Variants in SLC26A8 observed in about 807,000 individuals in gnomAD.
SLC26A8 encodes the protein testis anion transporter 1.
SLC26A8 carries 70 observed loss-of-function variants against 105.0 expected under a neutral mutation model. That is an observed-to-expected ratio of 0.67 (90% confidence interval 0.55 to 0.81). The LOEUF is 0.81. Among genes scored for constraint, SLC26A8 ranks in the 40% least tolerant of loss-of-function variants. The probability of loss-of-function intolerance (pLI) is 0.00; values close to 1 mark genes in which losing one functional copy is unlikely to be tolerated. For synonymous variants in SLC26A8, 415 were observed against 438.3 expected (o/e 0.95, Z 0.66); for missense variants, 998 against 1,181.8 (o/e 0.84, Z 2.28).
Position 35,951,205 on chromosome 6 carries a change from T to C in SLC26A8, c.2430A>G (p.Glu810=), listed in dbSNP as rs1322705070. ...VIGSSELSID[E]SETVIRETYS... ...AGGTTTCCCGTATCACTGTCTCGGA[T>C]TCATCGATGCTTAACTCAGAGGAGC... Residue 810 remains glutamate, a synonymous_variant, in exon 19 of 20, where the codon GAA becomes GAG. Coordinates refer to ENST00000490799, the MANE Select transcript of SLC26A8 (RefSeq NM_052961.4). The C allele has an allele frequency of 3.1e-6, 5 of 1,613,816 alleles. No homozygotes were observed. Among genetic ancestry groups the C allele is most frequent in the Non-Finnish European group, 4.2e-6 (5 of 1,179,982 alleles).
chr6:36,005,085 T>C (rs1286553473), intron 3 of SLC26A8, among the ~76,000 whole-genome samples: 1 of 152,142 alleles, frequency 6.6e-6, no homozygotes, highest in Non-Finnish European at 1.5e-5. Flanking sequence ...AGAATTAAGT[T>C]ATCTAGTCTC....
chr6:35,976,114 G>C (rs943027309), intron 9 of SLC26A8, among the ~76,000 whole-genome samples: 3 of 151,772 alleles, frequency 2.0e-5, no homozygotes, highest in Non-Finnish European at 4.4e-5. Context: ...TATTCTCCCT[G>C]CCTTATGTGC....
chr6:35,982,232 G>A (rs1259087592), intron 7 of SLC26A8, 29 bp from the exon 8 acceptor site: 14 of 1,604,710 alleles, frequency 8.7e-6, no homozygotes, highest in African/African-American at 1.3e-5. Flanking sequence ...GAAGGGATGG[G>A]GGCATATGAA....
At chr6:35,955,013 C>A (rs2127294073) in intron 17 of SLC26A8, 139 bp downstream of exon 17, 2 of 912,996 alleles carry the variant, frequency 2.2e-6, no homozygotes, top group East Asian at 4.8e-5. Flanking sequence ...ATTGTACTGC[C>A]TTTGGTGTCC....
At chr6:35,956,278 C>G (rs1001521942) in intron 16 of SLC26A8, among the ~76,000 whole-genome samples, 5 of 150,962 alleles carry the variant, frequency 3.3e-5, no homozygotes, top group Admixed American at 1.3e-4. Context: ...CCCCTGCCCC[C>G]TCCCCAAAAA....
chr6:35,984,191 C>G (rs1365020062), intron 7 of SLC26A8, among the ~76,000 whole-genome samples: 1 of 152,076 alleles, frequency 6.6e-6, no homozygotes, highest in African/African-American at 2.4e-5. Context: ...TTATTGTAAG[C>G]CTTCACCTAT....
intron 5 of SLC26A8, 101 bp from the exon 6 acceptor site, chr6:35,992,775 A>G (rs2127349664): frequency 8.2e-7 from 1 of 1,212,258 alleles, no homozygotes; most frequent in Non-Finnish European, 1.1e-6. Context: ...TAGAAAAGTT[A>G]AGATAGGCCC....
Position 35,955,161 on chromosome 6 carries a change from T to C in SLC26A8, c.2223A>G (p.Val741=). ...CCTCCTCAGTACTTACCTGTCTTAA[T>C]ACGACTAACCCCCGTGAATCCACGT... The part of the protein sequence containing the change: ...VHYVDSRGLV[V]LRQICNAFQN... The change falls in exon 17 of 20, where the codon GTA becomes GTG. Residue 741 remains valine, a synonymous_variant. Transcript: ENST00000490799. 2 of 1,614,118 alleles carry C rather than the reference T, an allele frequency of 1.2e-6. No individual in the cohort carries two copies. Among genetic ancestry groups the C allele is most frequent in the Middle Eastern group, 1.6e-4 (1 of 6,062 alleles).
At chr6:35,977,586 G>A (rs1203621057) in intron 8 of SLC26A8, among the ~76,000 whole-genome samples, 1 of 152,120 alleles carries the variant, frequency 6.6e-6, no homozygotes, top group African/African-American at 2.4e-5. Context: ...TTTCTGCCAG[G>A]TAGCAATGGC....
intron 2 of SLC26A8, among the ~76,000 whole-genome samples, chr6:36,016,380 A>G (rs1224113555): frequency 6.6e-6 from 1 of 152,238 alleles, no homozygotes; most frequent in Non-Finnish European, 1.5e-5. Context: ...GTGAACTTAT[A>G]TCTTTATTTC....
intron 11 of SLC26A8, among the ~76,000 whole-genome samples, chr6:35,964,976 A>AG (rs1246843658): frequency 6.6e-6 from 1 of 151,870 alleles, no homozygotes; most frequent in Non-Finnish European, 1.5e-5. Context: ...CAAAAAAAAA[A>AG]AAAAGAAAAT....
At chr6:35,957,988 C>T (rs1350311386) in intron 16 of SLC26A8, among the ~76,000 whole-genome samples, 3 of 152,030 alleles carry the variant, frequency 2.0e-5, no homozygotes, top group Non-Finnish European at 4.4e-5. Context: ...TCTGCCTGAC[C>T]TTACTTCCCA....
chr6:36,010,842 T>C (rs992170553), intron 3 of SLC26A8, among the ~76,000 whole-genome samples: 3 of 152,086 alleles, frequency 2.0e-5, no homozygotes, highest in Non-Finnish European at 4.4e-5. Flanking sequence ...CCCAGCCAAG[T>C]GGGTTAAAAT....
intron 19 of SLC26A8, among the ~76,000 whole-genome samples, chr6:35,950,799 A>G (rs897266087): frequency 3.3e-5 from 5 of 152,124 alleles, no homozygotes; most frequent in Non-Finnish European, 7.4e-5. Flanking sequence ...AGGTATAGCT[A>G]GGGGAGACAT....
At chr6:35,964,473 C>T (rs566353795) in intron 11 of SLC26A8, among the ~76,000 whole-genome samples, 1 of 151,990 alleles carries the variant, frequency 6.6e-6, no homozygotes, top group Non-Finnish European at 1.5e-5. Context: ...GTGGCAAAAA[C>T]CTGTCTCTAC....
In SLC26A8 at chr6:36,024,556, C is replaced by G. The variant is rs1390424239; in HGVS notation, c.-55G>C. On this transcript the variant is annotated 5_prime_UTR_variant, in exon 1 of 20. Transcript: ENST00000490799. ...GGGCGCTGGGATCCCACACGGCTCT[C>G]GCCTGGCTGGCGGCGCTGCGGACGC... The G allele has an allele frequency of 7.7e-6, 3 of 388,302 alleles. No individual in the cohort carries two copies. Among genetic ancestry groups the G allele is most frequent in the African/African-American group, 6.4e-5 (3 of 47,194 alleles). The allele number at this position is 388,302 out of a possible 1,614,324, so 24.1% of individuals were successfully genotyped here.
intron 3 of SLC26A8, among the ~76,000 whole-genome samples, chr6:36,009,754 G>A (rs1157718998): frequency 1.3e-5 from 2 of 152,186 alleles, no homozygotes; most frequent in Non-Finnish European, 2.9e-5. Context: ...TCTTTGTGGT[G>A]GTGAAAGTGT....
intron 19 of SLC26A8, among the ~76,000 whole-genome samples, chr6:35,945,450 C>T (rs1485014617): frequency 6.6e-5 from 10 of 152,216 alleles, no homozygotes; most frequent in African/African-American, 2.4e-4. Context: ...CTGTGTGTGA[C>T]CTGGCCTCTT....
chr6:36,019,519 C>T lies in SLC26A8; in HGVS notation c.188+1G>A. The T allele has an allele frequency of 2.5e-6, 4 of 1,611,840 alleles. No homozygotes were observed. Among genetic ancestry groups the T allele is most frequent in the Non-Finnish European group, 3.4e-6 (4 of 1,179,200 alleles). The stretch of plus-strand genomic sequence containing the variant: ...GCAGGTGAAAGATTGGACACACGCA[C>T]CGGCACTGGACGTGGTGTCTGAAGG... On this transcript the variant is annotated splice_donor_variant, in intron 2 of 19. Coordinates refer to ENST00000490799, the MANE Select transcript of SLC26A8 (RefSeq NM_052961.4). LOFTEE classifies it high-confidence loss of function.
Sources: gnomAD v4.1 joint callset for allele counts (sites outside exome capture counted in the v4.1 genomes callset) on GRCh38, gnomAD v4.1.1 for gene constraint, MANE v1.5 for transcripts, NCBI Gene and HGNC (gene_info 2026-07-23, HGNC 2026-07-21) for gene names.